Variants in BLTP3A observed in about 807,000 individuals in gnomAD.
BLTP3A encodes ICBP90 binding protein 1.
the BLTP3A span, among the ~76,000 whole-genome samples, chr6:34,816,480 A>T: frequency 6.8e-6 from 1 of 147,998 alleles, no homozygotes; most frequent in African/African-American, 2.6e-5. Context: ...GTATAGTGAC[A>T]TGCACTTGTG....
At chr6:34,854,968 A>C in the BLTP3A span, among the ~76,000 whole-genome samples, 1 of 152,262 alleles carries the variant, frequency 6.6e-6, no homozygotes, top group African/African-American at 2.4e-5. Flanking sequence ...TGATAGAAAC[A>C]TGGAAAGTTC....
At chr6:34,832,049 G>T in the BLTP3A span, among the ~76,000 whole-genome samples, 2 of 151,758 alleles carry the variant, frequency 1.3e-5, no homozygotes, top group Non-Finnish European at 2.9e-5. Context: ...TCTTGACCTC[G>T]TGATCCACCC....
the BLTP3A span, chr6:34,871,992 C>T: frequency 1.3e-6 from 2 of 1,518,022 alleles, no homozygotes; most frequent in Middle Eastern, 1.7e-4. Flanking sequence ...ACTGGTAAAA[C>T]CCGGGGTTGG....
the BLTP3A span, chr6:34,857,520 T>G: frequency 5.0e-6 from 8 of 1,593,528 alleles, no homozygotes; most frequent in Non-Finnish European, 6.8e-6. Context: ...CTTTTCCCAT[T>G]TGTCAGCCTT....
At chr6:34,799,124 T>C in the BLTP3A span, among the ~76,000 whole-genome samples, 1 of 152,012 alleles carries the variant, frequency 6.6e-6, no homozygotes, top group Non-Finnish European at 1.5e-5. Context: ...GTATTTTTAG[T>C]AGAGACAGGG....
the BLTP3A span, among the ~76,000 whole-genome samples, chr6:34,812,054 C>A: frequency 6.6e-6 from 1 of 151,730 alleles, no homozygotes; most frequent in Non-Finnish European, 1.5e-5. Flanking sequence ...TTAAGCCAGG[C>A]ACAGTGGCTC....
the BLTP3A span, chr6:34,858,854 A>G: frequency 6.2e-7 from 1 of 1,614,138 alleles, no homozygotes; most frequent in Non-Finnish European, 8.5e-7. Flanking sequence ...CTTGACCACT[A>G]CCAGTACTTG....
the BLTP3A span, among the ~76,000 whole-genome samples, chr6:34,849,150 C>A: frequency 6.6e-6 from 1 of 151,952 alleles, no homozygotes; most frequent in Non-Finnish European, 1.5e-5. Flanking sequence ...AGGCATGCAC[C>A]ACTGCACCCG....
At chr6:34,832,266 A>G in the BLTP3A span, among the ~76,000 whole-genome samples, 3 of 151,902 alleles carry the variant, frequency 2.0e-5, no homozygotes, top group East Asian at 5.8e-4. Context: ...GACCAAAGGC[A>G]TGCACCACTG....
At chr6:34,829,312 C>T in the BLTP3A span, among the ~76,000 whole-genome samples, 42 of 152,226 alleles carry the variant, frequency 2.8e-4, no homozygotes, top group South Asian at 7.7e-3. Flanking sequence ...TATGTCTATT[C>T]TGAACATTTA....
At chr6:34,834,067 A>T in the BLTP3A span, 1 of 803,588 alleles carries the variant, frequency 1.2e-6, no homozygotes, top group Non-Finnish European at 1.9e-6. Flanking sequence ...ATGCCGCTGT[A>T]CTCCAGCTTG....
the BLTP3A span, among the ~76,000 whole-genome samples, chr6:34,841,295 C>G: frequency 3.3e-5 from 5 of 152,098 alleles, no homozygotes; most frequent in Admixed American, 3.3e-4. Context: ...TCTTGAACTC[C>G]TGACCTCAAG....
chr6:34,866,276 C>CAT, the BLTP3A span, among the ~76,000 whole-genome samples: 1 of 151,866 alleles, frequency 6.6e-6, no homozygotes, highest in Admixed American at 6.6e-5. Flanking sequence ...TGGTGGCGTG[C>CAT]GCCTGTAATC....
the BLTP3A span, chr6:34,792,141 C>CGGCGGCGGCGGCGGCGGT: frequency 1.0e-6 from 1 of 1,003,726 alleles, no homozygotes; most frequent in Non-Finnish European, 1.3e-6. Flanking sequence ...GCGGCGGCGG[C>CGGCGGCGGCGGCGGCGGT]TGTGTCCGGT....
the BLTP3A span, among the ~76,000 whole-genome samples, chr6:34,859,933 T>C: frequency 6.6e-6 from 1 of 152,082 alleles, no homozygotes; most frequent in Non-Finnish European, 1.5e-5. Flanking sequence ...GATACAAATA[T>C]GCTATATCAG....
the BLTP3A span, among the ~76,000 whole-genome samples, chr6:34,827,014 TAA>T: frequency 2.6e-5 from 4 of 152,076 alleles, no homozygotes; most frequent in Non-Finnish European, 4.4e-5. Context: ...AAGGTATTTT[TAA>T]GAAAGAGAAA....
At chr6:34,855,703 GGTT>G in the BLTP3A span, 1 of 1,613,506 alleles carries the variant, frequency 6.2e-7, no homozygotes, top group Non-Finnish European at 8.5e-7. Flanking sequence ...CCATTGGGCA[GGTT>G]AGGAAAACTC....
the BLTP3A span, among the ~76,000 whole-genome samples, chr6:34,831,351 C>T: frequency 6.6e-6 from 1 of 152,124 alleles, no homozygotes; most frequent in Non-Finnish European, 1.5e-5. Context: ...TGGTCTCGAA[C>T]TTCTGACCTC....
the BLTP3A span, among the ~76,000 whole-genome samples, chr6:34,811,671 G>C: frequency 1.6e-5 from 2 of 125,658 alleles, no homozygotes; most frequent in Admixed American, 7.9e-5. Context: ...CTAACATGGT[G>C]AGACCCCCCC....
Sources: allele counts gnomAD v4.1 joint callset (sites outside exome capture counted in the v4.1 genomes callset), GRCh38; gene constraint gnomAD v4.1.1; transcripts MANE v1.5; gene names NCBI Gene and HGNC (gene_info 2026-07-23, HGNC 2026-07-21).